The following PSPC1 variants were observed in gnomAD, a reference collection of about 807,000 sequenced individuals.
The protein encoded by PSPC1 is paraspeckle component 1, also known as paraspeckle protein 1.
In PSPC1, 14 loss-of-function variants were observed where a neutral mutation model predicts 51.6. The ratio of observed to expected loss-of-function variants is 0.27; its 90% CI spans 0.18 to 0.42. The LOEUF is 0.42. PSPC1 is among the 10% of genes least tolerant of loss of function. The probability of loss-of-function intolerance (pLI) is 1.00; values close to 1 mark genes in which losing one functional copy is unlikely to be tolerated. For synonymous variants in PSPC1, 193 were observed against 231.9 expected, an observed-to-expected ratio of 0.83 and a Z score of 1.53; for missense variants, 406 against 701.1, an observed-to-expected ratio of 0.58 and a Z score of 4.75.
chr13:19,740,545 T>C (rs1458023686), intron 5 of PSPC1, among the ~76,000 whole-genome samples: 5 of 152,208 alleles, frequency 3.3e-5, no homozygotes, highest in African/African-American at 1.2e-4. Context: ...TATTTTCTTA[T>C]CACAAGCACC....
rs149833552 is a variant in PSPC1 at position 19,764,345 on chromosome 13, G to A, written c.675-4927C>T. 8.5e-3 allele frequency among the ~76,000 whole-genome samples: 1,286 copies of A among 151,888 alleles called. 19 individuals are homozygous for A. Among genetic ancestry groups the A allele is most frequent in the African/African-American group, 0.029 (1,206 of 41,404 alleles). ...TCAATGTAAAATGGCACCATTTTACGCACTGCATGCATGCACAATAATTTT... is the reference window on the plus strand; with the variant it reads ...TCAATGTAAAATGGCACCATTTTACACACTGCATGCATGCACAATAATTTT... On this transcript the variant is annotated intron_variant, in intron 2 of 8. Transcript: ENST00000338910.
At chr13:19,688,498 T>G (rs932014867) in intron 6 of PSPC1, among the ~76,000 whole-genome samples, 2 of 152,228 alleles carry the variant, frequency 1.3e-5, no homozygotes, top group Non-Finnish European at 2.9e-5. Context: ...AAGGTGCTCC[T>G]ACCATTATTG....
chr13:19,752,474 T>C lies in PSPC1; in HGVS notation c.771-1007A>G, dbSNP rs1269563199. Among the ~76,000 whole-genome samples, 28 of 152,148 alleles carry C rather than the reference T, an allele frequency of 1.8e-4. 1 individual carries two copies. The highest frequency in any genetic ancestry group is 1.8e-3 in the Admixed American group (27 of 15,256). On this transcript the variant is annotated intron_variant, in intron 3 of 8. Transcript: ENST00000338910. ...AGACATATAAAAAATATGACTGATC[T>C]CAAACTCCTGGCCTCAAGTAATACT...
At chr13:19,763,003 G>GCTGAGGCAGGATAATCACTTGAACC (rs1282420233) in intron 2 of PSPC1, among the ~76,000 whole-genome samples, 2 of 152,006 alleles carry the variant, frequency 1.3e-5, no homozygotes, top group African/African-American at 2.4e-5. Flanking sequence ...TACTTGGGAG[G>GCTGAGGCAGGATAATCACTTGAACC]CTGAGGCAGG....
At chr13:19,766,098 C>T (rs1390054213) in intron 2 of PSPC1, among the ~76,000 whole-genome samples, 1 of 152,158 alleles carries the variant, frequency 6.6e-6, no homozygotes, top group East Asian at 1.9e-4. Flanking sequence ...TGCAGCTGGG[C>T]GCAGTGGCTC....
intron 1 of PSPC1, among the ~76,000 whole-genome samples, chr13:19,781,992 A>T (rs1459950323): frequency 3.3e-5 from 5 of 152,150 alleles, no homozygotes; most frequent in African/African-American, 1.2e-4. Context: ...TGCCTTGAAG[A>T]ATTCTCACCC....
chr13:19,672,681 G>A (rs557408686), downstream of PSPC1: 14 of 157,080 alleles, frequency 8.9e-5, no homozygotes, highest in African/African-American at 3.1e-4. Context: ...CACAAAAGGT[G>A]GAGATGGCAG....
intron 4 of PSPC1, among the ~76,000 whole-genome samples, chr13:19,746,875 T>C (rs1237581123): frequency 6.6e-6 from 1 of 152,192 alleles, no homozygotes; most frequent in African/African-American, 2.4e-5. Context: ...CTTGGGAGGC[T>C]GAGGCGGATG....
Position 19,736,506 on chromosome 13 carries a change from A to AC in PSPC1, c.1052+5058dup, listed in dbSNP as rs532153106. 2.2e-3 allele frequency among the ~76,000 whole-genome samples: 332 copies of AC among 152,074 alleles called. 1 individual carries two copies. The highest frequency in any genetic ancestry group is 7.9e-3 in the African/African-American group (329 of 41,506). ...AGACCATCCTGGCTAACACAGTGAA[A>AC]CCCCATCTCTACTAAAAATACAAAA... is the stretch of plus-strand genomic sequence containing the variant. On this transcript the variant is annotated intron_variant, in intron 5 of 8. Coordinates refer to ENST00000338910, the MANE Select transcript of PSPC1 (RefSeq NM_001354909.2).
At chr13:19,685,770 C>A (rs1461385218) in intron 6 of PSPC1, among the ~76,000 whole-genome samples, 2 of 152,116 alleles carry the variant, frequency 1.3e-5, no homozygotes, top group South Asian at 2.1e-4. Context: ...TATTTATATA[C>A]CCAAATCCCT....
chr13:19,752,098 T>C (rs1490597504), intron 3 of PSPC1, among the ~76,000 whole-genome samples: 1 of 152,134 alleles, frequency 6.6e-6, no homozygotes, highest in Non-Finnish European at 1.5e-5. Context: ...CTGGAACACA[T>C]GAATATGAAT....
At chr13:19,776,208 C>A (rs944347428) in intron 1 of PSPC1, among the ~76,000 whole-genome samples, 26 of 152,218 alleles carry the variant, frequency 1.7e-4, no homozygotes, top group African/African-American at 5.8e-4. Flanking sequence ...CACTTGTCAT[C>A]CTAACACTTT....
chr13:19,748,322 G>C (rs1262263677), intron 4 of PSPC1, among the ~76,000 whole-genome samples: 1 of 152,142 alleles, frequency 6.6e-6, no homozygotes, highest in Non-Finnish European at 1.5e-5. Context: ...ACCAATTGCA[G>C]ACTTTGGATC....
At chr13:19,723,458 G>C (rs2137871996) in intron 6 of PSPC1, among the ~76,000 whole-genome samples, 1 of 152,116 alleles carries the variant, frequency 6.6e-6, no homozygotes, top group East Asian at 1.9e-4. Context: ...TATACCTCCT[G>C]GTTCACCTAA....
intron 8 of PSPC1, among the ~76,000 whole-genome samples, chr13:19,703,797 T>TA (rs892667929): frequency 3.3e-5 from 5 of 151,570 alleles, no homozygotes; most frequent in East Asian, 1.9e-4. Context: ...GTAAACATTC[T>TA]AAAAAAAAAT....
rs1880066952 is a variant in PSPC1, at chr13:19,702,692, T to C, written c.*483A>G. On this transcript the variant is annotated 3_prime_UTR_variant, in exon 9 of 9. Transcript: ENST00000338910. Reference sequence around the variant, plus strand: ...TCCCACCCCCACATATACTACTCTATCTACCCCTTATTGACATTAGCTTTC... The same window carrying C: ...TCCCACCCCCACATATACTACTCTACCTACCCCTTATTGACATTAGCTTTC... 1 of 158,890 alleles carries C rather than the reference T, an allele frequency of 6.3e-6. No homozygotes were observed. The highest frequency in any genetic ancestry group is 1.4e-5 in the Non-Finnish European group (1 of 71,660). The allele number at this position is 158,890 out of a possible 1,614,324, so 9.8% of individuals were successfully genotyped here. A position where few individuals can be genotyped will look rare whatever the true frequency, so the allele number is the denominator to read the frequency against.
At chr13:19,697,185 C>A (rs1298474901) in intron 6 of PSPC1, among the ~76,000 whole-genome samples, 7 of 152,148 alleles carry the variant, frequency 4.6e-5, no homozygotes, top group African/African-American at 1.7e-4. Flanking sequence ...ACAGTAGCAG[C>A]GTCATCACAT....
chr13:19,728,262 T>G (rs986306487), intron 6 of PSPC1, among the ~76,000 whole-genome samples: 13 of 152,184 alleles, frequency 8.5e-5, no homozygotes, highest in Admixed American at 7.9e-4. Flanking sequence ...CTCTTAGTTT[T>G]GTTGGAATAT....
At position 19,759,374 on chromosome 13, in the gene PSPC1, T is replaced by C. The variant is rs763164370; in HGVS notation, c.719A>G (p.Asp240Gly). The C allele has an allele frequency of 6.2e-7, 1 of 1,614,166 alleles. No homozygotes were observed. The highest frequency in any genetic ancestry group is 1.7e-5 in the Admixed American group (1 of 60,002). ...VIVEPMEQFD[D>G]EDGLPEKLMQ... Reference sequence around the variant, plus strand: ...CAGCTTCTCTGGCAAGCCATCTTCATCATCAAACTGCTCCATGGGTTCCAC... The same window carrying C: ...CAGCTTCTCTGGCAAGCCATCTTCACCATCAAACTGCTCCATGGGTTCCAC... Residue 240 changes from aspartate (D) to glycine (G), a missense_variant, in exon 3 of 9, where the codon GAT (aspartate) becomes GGT (glycine). By Grantham distance (94) the Asp-to-Gly change is moderately conservative. Transcript: ENST00000338910.
Sources: allele counts gnomAD v4.1 joint callset (sites outside exome capture counted in the v4.1 genomes callset), GRCh38; gene constraint gnomAD v4.1.1; transcripts MANE v1.5; gene names NCBI Gene and HGNC (gene_info 2026-07-23, HGNC 2026-07-21).